Variants in FAM171A1 observed in about 807,000 individuals in gnomAD.
FAM171A1 encodes the protein family with sequence similarity 171 member A1.
A neutral mutation model predicts 74.9 loss-of-function variants in FAM171A1; 23 were observed. The ratio of observed to expected loss-of-function variants is 0.31; its 90% CI spans 0.22 to 0.44. FAM171A1 has a LOEUF of 0.44. FAM171A1 is among the 20% of genes least tolerant of loss of function. The probability of loss-of-function intolerance (pLI) is 1.00; values close to 1 mark genes in which losing one functional copy is unlikely to be tolerated. For missense variants in FAM171A1, 1,162 were observed against 1,159.2 expected (o/e 1.00, Z -0.03); for synonymous variants, 527 against 505.7 (o/e 1.04, Z -0.57).
intron 5 of FAM171A1, among the ~76,000 whole-genome samples, chr10:15,246,846 C>A (rs1426044425): frequency 6.6e-6 from 1 of 152,150 alleles, no homozygotes; most frequent in Non-Finnish European, 1.5e-5. Context: ...TCAAGCTTGA[C>A]TTTCAGGGCA....
chr10:15,257,164 G>C (rs926416322), intron 3 of FAM171A1, among the ~76,000 whole-genome samples: 1 of 152,156 alleles, frequency 6.6e-6, no homozygotes, highest in African/African-American at 2.4e-5. Context: ...TCCTCATGAG[G>C]GTCCGGGCAG....
chr10:15,216,507 T>C (rs1833968795), intron 6 of FAM171A1, among the ~76,000 whole-genome samples: 1 of 152,150 alleles, frequency 6.6e-6, no homozygotes, highest in Non-Finnish European at 1.5e-5. Flanking sequence ...CATGGCTTAC[T>C]GTAGCCTTGA....
At chr10:15,316,489 G>A (rs1237386753) in intron 1 of FAM171A1, among the ~76,000 whole-genome samples, 1 of 152,200 alleles carries the variant, frequency 6.6e-6, no homozygotes, top group East Asian at 1.9e-4. Flanking sequence ...CCATGTGTCT[G>A]GCTACCCTGG....
chr10:15,284,142 A>C, intron 1 of FAM171A1, 37 bp from the exon 2 acceptor site: 1 of 1,583,382 alleles, frequency 6.3e-7, no homozygotes, highest in African/African-American at 1.3e-5. Flanking sequence ...AGCTACTGTC[A>C]ATGGGAAACA....
At chr10:15,260,191 C>A (rs555106608) in intron 3 of FAM171A1, among the ~76,000 whole-genome samples, 11 of 152,128 alleles carry the variant, frequency 7.2e-5, no homozygotes, top group African/African-American at 2.7e-4. Context: ...CTACAGCTCA[C>A]CCAAAATGCA....
chr10:15,217,139 G>A (rs1251063425), intron 6 of FAM171A1, among the ~76,000 whole-genome samples: 1 of 152,148 alleles, frequency 6.6e-6, no homozygotes, highest in African/African-American at 2.4e-5. Context: ...TTAAGTTTAT[G>A]TTGTAAAAAA....
chr10:15,300,619 A>G (rs199795653), intron 1 of FAM171A1, among the ~76,000 whole-genome samples: 1 of 126,044 alleles, frequency 7.9e-6, no homozygotes, highest in Non-Finnish European at 1.7e-5. Flanking sequence ...AAAAAAATAA[A>G]CAAAAAAAAA....
chr10:15,235,833 T>C (rs979839390), intron 5 of FAM171A1, among the ~76,000 whole-genome samples: 2 of 152,092 alleles, frequency 1.3e-5, no homozygotes, highest in African/African-American at 4.8e-5. Flanking sequence ...CAGGCTTCAG[T>C]GGGAAACGCT....
chr10:15,350,877 G>C (rs527483099), intron 1 of FAM171A1, among the ~76,000 whole-genome samples: 5 of 152,010 alleles, frequency 3.3e-5, no homozygotes, highest in Non-Finnish European at 5.9e-5. Flanking sequence ...TCCTGACCTC[G>C]AGTGATCTGC....
intron 2 of FAM171A1, among the ~76,000 whole-genome samples, chr10:15,276,962 T>A (rs968803627): frequency 6.6e-6 from 1 of 152,148 alleles, no homozygotes; most frequent in African/African-American, 2.4e-5. Context: ...CCTGGGATTA[T>A]AGGCTAGAGC....
intron 1 of FAM171A1, among the ~76,000 whole-genome samples, chr10:15,331,880 C>CATATATATATATATAT (rs71390031): frequency 6.7e-5 from 4 of 59,670 alleles, no homozygotes; most frequent in African/African-American, 2.5e-4. Flanking sequence ...TGTGTGTATA[C>CATATATATATATATAT]ATATATATAT....
At position 15,295,702 on chromosome 10, in the gene FAM171A1, T is replaced by A. The variant is rs141860530; in HGVS notation, c.98-11597A>T. On this transcript the variant is annotated intron_variant, in intron 1 of 7. Coordinates refer to ENST00000378116, the MANE Select transcript of FAM171A1 (RefSeq NM_001010924.2). ...TAGTAGTGGGGAACCCAGCATTTTA[T>A]GGGCTGGCCACTGGGTCTGGGTAGA... Among the ~76,000 whole-genome samples the A allele has an allele frequency of 2.6e-3, 400 of 152,306 alleles. 1 individual carries two copies. The highest frequency in any genetic ancestry group is 8.6e-3 in the African/African-American group (358 of 41,558).
At chr10:15,274,034 G>C (rs1379945551) in intron 3 of FAM171A1, among the ~76,000 whole-genome samples, 1 of 152,174 alleles carries the variant, frequency 6.6e-6, no homozygotes. Flanking sequence ...GTTCTGGCCA[G>C]GGCAATCAGG....
rs1253022240 is a variant in FAM171A1, at chr10:15,216,113, A to G, written c.872-3T>C. 1 of 1,572,496 alleles carries G rather than the reference A, an allele frequency of 6.4e-7. No individual in the cohort carries two copies. The highest frequency in any genetic ancestry group is 1.4e-5 in the African/African-American group (1 of 72,626). ...AATGTCCTGTGTTACAACGGGACCT[A>G]GAAGGTCAGAAAATGGCATTTAGAG... On this transcript the variant is annotated splice_polypyrimidine_tract_variant and splice_region_variant and intron_variant, in intron 6 of 7. Coordinates refer to ENST00000378116, the MANE Select transcript of FAM171A1 (RefSeq NM_001010924.2).
intron 5 of FAM171A1, among the ~76,000 whole-genome samples, chr10:15,247,503 GC>G (rs1032830437): frequency 6.6e-6 from 1 of 152,080 alleles, no homozygotes; most frequent in Non-Finnish European, 1.5e-5. Context: ...CAGATAGCCA[GC>G]CCCAAGTGAC....
At chr10:15,351,567 C>CGGATGGATGGATGGATGGATG (rs1554757201) in intron 1 of FAM171A1, among the ~76,000 whole-genome samples, 3 of 146,350 alleles carry the variant, frequency 2.0e-5, no homozygotes, top group African/African-American at 7.6e-5. Flanking sequence ...AAAGTAGGGA[C>CGGATGGATGGATGGATGGATG]GATGGATGGA....
At chr10:15,288,627 A>G (rs1317377887) in intron 1 of FAM171A1, among the ~76,000 whole-genome samples, 1 of 152,158 alleles carries the variant, frequency 6.6e-6, no homozygotes, top group African/African-American at 2.4e-5. Context: ...AGGGAAAAGA[A>G]GATTTATGAA....
In FAM171A1 at chr10:15,364,056, G is replaced by A. The variant is rs77854871; in HGVS notation, c.97+6900C>T. On this transcript the variant is annotated intron_variant, in intron 1 of 7. Transcript: ENST00000378116. ...ATTCAAGTCGGGTGGGTGGAGGGTG[G>A]GGGGGCGGTCCCTAACATTTCATTA... Among the ~76,000 whole-genome samples the A allele has an allele frequency of 4.3e-3, 653 of 152,124 alleles. 9 individuals carry two copies. Among genetic ancestry groups the A allele is most frequent in the African/African-American group, 0.015 (608 of 41,492 alleles).
At chr10:15,365,779 A>AAAGAG (rs5783436) in intron 1 of FAM171A1, among the ~76,000 whole-genome samples, 3,686 of 151,226 alleles carry the variant, frequency 0.024, 151 homozygotes, top group African/African-American at 0.085. Flanking sequence ...AAAAAAAAAA[A>AAAGAG]AGAGAGAGAA....
Sources: gnomAD v4.1 joint callset for allele counts (sites outside exome capture counted in the v4.1 genomes callset) on GRCh38, gnomAD v4.1.1 for gene constraint, MANE v1.5 for transcripts, NCBI Gene and HGNC (gene_info 2026-07-23, HGNC 2026-07-21) for gene names.